LYRM4: variants seen among roughly 807,000 people sequenced by gnomAD.
LYRM4 encodes LYR motif-containing protein 4.
Under a neutral mutation model 11.7 loss-of-function variants are expected in LYRM4, and 9 were observed. The observed-to-expected ratio is 0.77, with a 90% CI of 0.46 to 1.34. The LOEUF is 1.34. Among genes scored for constraint, LYRM4 ranks in the 40% most tolerant of loss-of-function variants. The pLI is 0.00. For missense variants in LYRM4, 133 were observed against 112.5 expected (o/e 1.18, Z -0.82); for synonymous variants, 42 against 40.4 (o/e 1.04, Z -0.15).
At chr6:5,110,615 C>T (rs530713185) in intron 2 of LYRM4, among the ~76,000 whole-genome samples, 7 of 152,156 alleles carry the variant, frequency 4.6e-5, no homozygotes, top group African/African-American at 1.2e-4. Context: ...CTAAGAAGAA[C>T]GAGAAGTAGA....
At chr6:5,083,089 G>A in the LYRM4 span, among the ~76,000 whole-genome samples, 2 of 152,086 alleles carry the variant, frequency 1.3e-5, no homozygotes, top group Non-Finnish European at 1.5e-5. Context: ...GGTGGGCCGG[G>A]GCTGGGACCA....
chr6:5,144,859 C>T (rs1757627791), intron 2 of LYRM4, among the ~76,000 whole-genome samples: 2 of 152,142 alleles, frequency 1.3e-5, no homozygotes, highest in South Asian at 2.1e-4. Context: ...TGCGAGGCCA[C>T]GCTGGGTGAC....
intron 2 of LYRM4, chr6:5,138,570 T>A: frequency 3.0e-6 from 1 of 338,070 alleles, no homozygotes; most frequent in Non-Finnish European, 4.6e-6. Context: ...GTAAGAATAA[T>A]GACTGTTTTT....
intron 1 of LYRM4, 63 bp downstream of exon 1, chr6:5,260,585 C>G: frequency 7.7e-7 from 1 of 1,300,622 alleles, no homozygotes; most frequent in Admixed American, 2.1e-5. Context: ...TCCGCGTCAG[C>G]CCGCACCCCC....
chr6:5,114,674 C>T (rs889785335), intron 2 of LYRM4, among the ~76,000 whole-genome samples: 1 of 151,424 alleles, frequency 6.6e-6, no homozygotes, highest in Non-Finnish European at 1.5e-5. Flanking sequence ...CCCTGGGCCA[C>T]ACTAGAAGAA....
chr6:5,187,102 AG>A (rs1289824476), intron 2 of LYRM4: 8 of 873,996 alleles, frequency 9.2e-6, no homozygotes, highest in Non-Finnish European at 1.1e-5. Context: ...TGAATAATAT[AG>A]AAAAGAAATG....
chr6:5,119,518 G>C (rs1246524104), intron 2 of LYRM4, among the ~76,000 whole-genome samples: 1 of 152,122 alleles, frequency 6.6e-6, no homozygotes, highest in Non-Finnish European at 1.5e-5. Flanking sequence ...TGGGTGTGGT[G>C]TCTCACACCT....
chr6:5,093,302 T>A, the LYRM4 span, among the ~76,000 whole-genome samples: 1 of 152,266 alleles, frequency 6.6e-6, no homozygotes, highest in African/African-American at 2.4e-5. Flanking sequence ...GCCTTTGAGA[T>A]GTATTGTAAA....
At chr6:5,061,116 A>G in the LYRM4 span, among the ~76,000 whole-genome samples, 15 of 152,254 alleles carry the variant, frequency 9.9e-5, no homozygotes, top group Admixed American at 7.9e-4. Flanking sequence ...ATTAATTAAA[A>G]AGACAGTTAA....
At chr6:5,091,259 T>A in the LYRM4 span, among the ~76,000 whole-genome samples, 1 of 152,170 alleles carries the variant, frequency 6.6e-6, no homozygotes, top group African/African-American at 2.4e-5. Context: ...TGTCCCGGCC[T>A]CCCCTCCTAC....
chr6:5,060,338 T>C, the LYRM4 span, among the ~76,000 whole-genome samples: 5 of 152,202 alleles, frequency 3.3e-5, no homozygotes, highest in Non-Finnish European at 5.9e-5. Flanking sequence ...ATTTTTGCCA[T>C]GAAAAAATGT....
At chr6:5,256,592 T>C (rs1419434722) in intron 1 of LYRM4, among the ~76,000 whole-genome samples, 2 of 149,068 alleles carry the variant, frequency 1.3e-5, no homozygotes, top group Admixed American at 6.8e-5. Context: ...ATGGATCAAT[T>C]ATGACTCTCA....
At chr6:5,200,453 T>TA (rs1561866355) in intron 2 of LYRM4, among the ~76,000 whole-genome samples, 114 of 152,166 alleles carry the variant, frequency 7.5e-4, no homozygotes, top group African/African-American at 2.6e-3. Flanking sequence ...TGGAAGCACA[T>TA]GAAATTTTCA....
chr6:5,178,524 C>T (rs532715116), intron 2 of LYRM4, among the ~76,000 whole-genome samples: 15 of 146,896 alleles, frequency 1.0e-4, no homozygotes, highest in African/African-American at 3.3e-4. Context: ...ATGAAAAATA[C>T]AGAAATAGGC....
downstream of LYRM4, among the ~76,000 whole-genome samples, chr6:5,101,964 C>CTTTATTTTTTTTTTTTTTTTT (rs1431348110): frequency 5.5e-5 from 2 of 36,228 alleles, no homozygotes; most frequent in African/African-American, 7.3e-5. Context: ...CCAACTAATG[C>CTTTATTTTTTTTTTTTTTTTT]TTTCTTTTTT....
At chr6:5,094,960 T>C in the LYRM4 span, among the ~76,000 whole-genome samples, 1 of 152,176 alleles carries the variant, frequency 6.6e-6, no homozygotes, top group African/African-American at 2.4e-5. Flanking sequence ...TTACTGTGTA[T>C]TTAAAAGTAG....
the LYRM4 span, chr6:5,086,778 T>C: frequency 1.7e-6 from 1 of 577,360 alleles, no homozygotes; most frequent in Non-Finnish European, 3.0e-6. Flanking sequence ...CGAAAGCCTC[T>C]GACCTCAGTC....
intron 1 of LYRM4, among the ~76,000 whole-genome samples, chr6:5,226,330 G>A (rs991987159): frequency 2.6e-5 from 4 of 152,088 alleles, no homozygotes; most frequent in East Asian, 1.9e-4. Context: ...TGGTCTTTCC[G>A]GAGTTTGTTT....
chr6:5,086,874 C>A, the LYRM4 span: 1 of 396,378 alleles, frequency 2.5e-6, no homozygotes, highest in Non-Finnish European at 4.5e-6. Context: ...CCCGGAGCAG[C>A]TGCCTCCAAG....
Sources: gnomAD v4.1 joint callset for allele counts (sites outside exome capture counted in the v4.1 genomes callset) on GRCh38, gnomAD v4.1.1 for gene constraint, MANE v1.5 for transcripts, NCBI Gene and HGNC (gene_info 2026-07-23, HGNC 2026-07-21) for gene names.